The following HDGFL2 variants were observed in gnomAD, a reference collection of about 807,000 sequenced individuals.
HDGFL2 encodes the protein HDGF like 2.
A neutral mutation model predicts 77.1 loss-of-function variants in HDGFL2; 36 were observed. The ratio of observed to expected loss-of-function variants is 0.47; its 90% confidence interval spans 0.36 to 0.62. The LOEUF (loss-of-function observed/expected upper bound fraction) is 0.62. Ranked by LOEUF, HDGFL2 falls within the 20% of genes least tolerant of loss-of-function variation. The pLI is 0.00. For synonymous variants in HDGFL2, 463 were observed against 413.1 expected (o/e 1.12, Z -1.46); for missense variants, 976 against 973.4 (o/e 1.00, Z -0.04).
At position 4,472,441 on chromosome 19, in the gene HDGFL2, TG is replaced by T; in HGVS notation, c.72+23del. 1 of 118,096 alleles carries T rather than the reference TG, an allele frequency of 8.5e-6. No homozygotes were observed. 7.3% of individuals were successfully genotyped at this position (118,096 alleles called of 1,614,324 possible). A position where few individuals can be genotyped will look rare whatever the true frequency, so the allele number is the denominator to read the frequency against. On this transcript the variant is annotated intron_variant, in intron 1 of 15. Transcript: ENST00000616600. The stretch of plus-strand genomic sequence containing the variant: ...TGCCAGGGTGAGGCCGCGCGGGAGA[TG>T]GGGCCGGTGGGGGGGGGGGGGGGGG...
chr19:4,472,868 G>A (rs1166387061), intron 1 of HDGFL2, among the ~76,000 whole-genome samples: 2 of 147,514 alleles, frequency 1.4e-5, no homozygotes, highest in East Asian at 2.1e-4. Flanking sequence ...TTCTGGGGGT[G>A]TCCAAGCCCT....
At chr19:4,499,428 G>A (rs1975795188) in intron 13 of HDGFL2, 63 bp from the exon 14 acceptor site, 7 of 1,510,120 alleles carry the variant, frequency 4.6e-6, no homozygotes, top group Non-Finnish European at 6.3e-6. Flanking sequence ...GGGGCGAGGG[G>A]TTCAGAGCCG....
chr19:4,495,506 G>A (rs925594164), intron 9 of HDGFL2, among the ~76,000 whole-genome samples: 13 of 152,084 alleles, frequency 8.5e-5, no homozygotes, highest in African/African-American at 2.2e-4. Flanking sequence ...AGAGGACTGC[G>A]CCTGGCGTGC....
At chr19:4,472,772 G>A (rs979947233) in intron 1 of HDGFL2, among the ~76,000 whole-genome samples, 1 of 148,684 alleles carries the variant, frequency 6.7e-6, no homozygotes, top group Non-Finnish European at 1.5e-5. Flanking sequence ...GGTGGTGTTC[G>A]GATCCTGCAG....
chr19:4,497,922 T>G (rs1369073826), intron 10 of HDGFL2, 36 bp from the exon 11 acceptor site: 11 of 1,538,440 alleles, frequency 7.2e-6, no homozygotes, highest in African/African-American at 2.7e-5. Flanking sequence ...AGAGTGCCGG[T>G]GACGGGGCCC....
chr19:4,484,168 C>G (rs1426317783), intron 3 of HDGFL2, among the ~76,000 whole-genome samples: 2 of 146,806 alleles, frequency 1.4e-5, no homozygotes, highest in Non-Finnish European at 3.0e-5. Flanking sequence ...ACTGCAATCT[C>G]TGCCTCCCAG....
chr19:4,491,521 G>A lies in HDGFL2; in HGVS notation c.490-45G>A, dbSNP rs1273356187. The A allele has an allele frequency of 2.6e-6, 4 of 1,565,548 alleles. No homozygotes were observed. In the South Asian group the frequency reaches 4.5e-5, roughly 17 times the overall value. ...GTCAGCTGGGGGCTTCCTGCCAGGAGCCCGGCCTTCCCATCACTGAGCATT... is the reference window on the plus strand; with the variant it reads ...GTCAGCTGGGGGCTTCCTGCCAGGAACCCGGCCTTCCCATCACTGAGCATT... On this transcript the variant is annotated intron_variant, in intron 4 of 15. Transcript: ENST00000616600.
Position 4,496,390 on chromosome 19 carries a change from A to G in HDGFL2, c.1313A>G (p.Glu438Gly), listed in dbSNP as rs750684647. The G allele has an allele frequency of 4.5e-5, 72 of 1,613,674 alleles. No homozygotes were observed. Among genetic ancestry groups the G allele is most frequent in the Non-Finnish European group, 5.8e-5 (69 of 1,179,842 alleles). Reference protein sequence around the residue: ...GQKEKRVRPEEKQQAKPVKVE... With the variant: ...GQKEKRVRPEGKQQAKPVKVE... The stretch of plus-strand genomic sequence containing the variant: ...AAGGAGAAGAGAGTGCGGCCCGAGG[A>G]GAAGCAACAAGCCAAGTGAGCCCTG... Residue 438 changes from glutamate to glycine, a missense_variant, in exon 10 of 16, where the codon GAG (glutamate) becomes GGG (glycine). By Grantham distance (98) the Glu-to-Gly change is moderately conservative (BLOSUM62 -2). Coordinates refer to ENST00000616600, the MANE Select transcript of HDGFL2 (RefSeq NM_001001520.3).
chr19:4,495,537 C>T (rs1479746369), intron 9 of HDGFL2, among the ~76,000 whole-genome samples: 3 of 151,980 alleles, frequency 2.0e-5, no homozygotes, highest in Non-Finnish European at 4.4e-5. Flanking sequence ...GCGAGGTGGC[C>T]TCTGGGGCTG....
At position 4,491,634 on chromosome 19, in the gene HDGFL2, AGAG is replaced by A. The variant is rs759281404; in HGVS notation, c.562_564del (p.Glu188del). ...ATCAGGCCAGCGTGTCCCCATCCGA[AGAG>A]GAGAACTCGGAAAGCTCATCTGAGT... On this transcript the variant is annotated inframe_deletion, in exon 5 of 16. Transcript: ENST00000616600. 1,644 of 1,613,968 alleles carry A rather than the reference AGAG, an allele frequency of 1.0e-3. 4 individuals are homozygous for A. Among genetic ancestry groups the A allele is most frequent in the Non-Finnish European group, 9.7e-4 (1,143 of 1,179,998 alleles).
chr19:4,494,486 A>T lies in HDGFL2; in HGVS notation c.1224+11A>T. 2 of 1,373,636 alleles carry T rather than the reference A, an allele frequency of 1.5e-6. No homozygotes were observed. Among genetic ancestry groups the T allele is most frequent in the South Asian group, 3.5e-5 (2 of 56,974 alleles). 85.1% of individuals were successfully genotyped at this position (1,373,636 alleles called of 1,614,324 possible). ...GAGCTGGAGAGAGAGGTGAGCCGGG[A>T]GGGCGCCGGGAGTCCCTGCCTTCAC... On this transcript the variant is annotated intron_variant, in intron 9 of 15. Transcript: ENST00000616600.
chr19:4,498,776 G>T, intron 12 of HDGFL2, 38 bp from the exon 13 acceptor site: 1 of 1,443,186 alleles, frequency 6.9e-7, no homozygotes, highest in Non-Finnish European at 9.6e-7. Context: ...GGGATCCCTT[G>T]GCCAGGCCGT....
rs1401129683 is a variant in HDGFL2, at chr19:4,493,810, C to T, written c.786C>T (p.Ser262=). Residue 262 remains serine, a synonymous_variant, in exon 7 of 16, where the codon TCC becomes TCT. Transcript: ENST00000616600. The part of the protein sequence containing the change: ...RSASSSSSSS[S]SSDSDVSVKK... ...CGTCCTCCTCCTCCTCTTCCTCCTC[C>T]TCCTCCGACTCCGATGTGTCTGTGA... 6.5e-7 allele frequency: 1 copy of T among 1,538,640 alleles called. No individual in the cohort carries two copies. Among genetic ancestry groups the T allele is most frequent in the Non-Finnish European group, 8.8e-7 (1 of 1,138,854 alleles).
chr19:4,496,788 G>A (rs1975713561), intron 10 of HDGFL2: 1 of 380,294 alleles, frequency 2.6e-6, no homozygotes, highest in African/African-American at 2.1e-5. Context: ...AGCAGAGGAG[G>A]AGGGAGAAAC....
chr19:4,495,136 C>T (rs1203997932), intron 9 of HDGFL2, among the ~76,000 whole-genome samples: 2 of 152,114 alleles, frequency 1.3e-5, no homozygotes, highest in Admixed American at 6.5e-5. Context: ...GCCTGTAATC[C>T]CAGCACTCTG....
chr19:4,489,014 C>A, intron 4 of HDGFL2, 138 bp downstream of exon 4: 1 of 655,544 alleles, frequency 1.5e-6, no homozygotes, highest in Non-Finnish European at 2.5e-6. Context: ...AGTGCAGTGG[C>A]GTGATCTCGA....
chr19:4,482,026 CT>C (rs34398630), intron 3 of HDGFL2, among the ~76,000 whole-genome samples: 5,175 of 71,074 alleles, frequency 0.073, 16 homozygotes, highest in African/African-American at 0.08. Context: ...TGGCTTTGGC[CT>C]TTTTTTTTTT....
intron 3 of HDGFL2, among the ~76,000 whole-genome samples, chr19:4,486,001 C>A (rs201085440): frequency 7.0e-6 from 1 of 143,376 alleles, no homozygotes; most frequent in Non-Finnish European, 1.5e-5. Context: ...TGCAGTGAGT[C>A]GTGATCGCGC....
intron 3 of HDGFL2, among the ~76,000 whole-genome samples, chr19:4,488,382 C>G (rs139230237): frequency 6.6e-6 from 1 of 152,288 alleles, no homozygotes; most frequent in Non-Finnish European, 1.5e-5. Context: ...ACTGAGCCAT[C>G]CCCATTGCCC....
Sources: gnomAD v4.1 joint callset for allele counts (sites outside exome capture counted in the v4.1 genomes callset) on GRCh38, gnomAD v4.1.1 for gene constraint, MANE v1.5 for transcripts, NCBI Gene and HGNC (gene_info 2026-07-23, HGNC 2026-07-21) for gene names.